RELN: variants seen among roughly 807,000 people sequenced by gnomAD.
RELN encodes the protein reelin.
Under a neutral mutation model 427.6 loss-of-function variants are expected in RELN, and 108 were observed. That is an observed-to-expected ratio of 0.25 (90% confidence interval 0.22 to 0.30). The LOEUF is 0.30. RELN is among the 10% of genes least tolerant of loss of function. RELN has a pLI of 1.00. For missense variants in RELN, 3,715 were observed against 4,302.8 expected (o/e 0.86, Z 3.82); for synonymous variants, 1,524 against 1,513.4 (o/e 1.01, Z -0.16).
chr7:103,495,514 T>C (rs1828814172), intron 57 of RELN, among the ~76,000 whole-genome samples: 1 of 152,178 alleles, frequency 6.6e-6, no homozygotes, highest in Non-Finnish European at 1.5e-5. Flanking sequence ...TTTCTTGCTA[T>C]GTCCCAACAT....
chr7:103,827,233 G>A (rs982725842), intron 3 of RELN, among the ~76,000 whole-genome samples: 5 of 151,772 alleles, frequency 3.3e-5, no homozygotes, highest in Admixed American at 2.0e-4. Flanking sequence ...CTTCTCTGAC[G>A]GTCTTATGAT....
chr7:103,908,974 A>G (rs1795279036), intron 2 of RELN, among the ~76,000 whole-genome samples: 1 of 152,192 alleles, frequency 6.6e-6, no homozygotes, highest in Non-Finnish European at 1.5e-5. Context: ...TTCCTCAAGT[A>G]TGCTTAAATT....
At chr7:103,944,042 G>A (rs1796170249) in intron 1 of RELN, among the ~76,000 whole-genome samples, 2 of 151,948 alleles carry the variant, frequency 1.3e-5, no homozygotes, top group South Asian at 4.2e-4. Flanking sequence ...TAGTAGGACT[G>A]GAGATCAAAC....
intron 5 of RELN, 50 bp from the exon 6 acceptor site, chr7:103,749,554 T>C (rs1180492871): frequency 1.5e-6 from 2 of 1,333,808 alleles, no homozygotes; most frequent in African/African-American, 1.4e-5. Flanking sequence ...CAACAGTACA[T>C]TTAGCTAAAC....
At chr7:103,803,009 G>A (rs932947867) in intron 3 of RELN, among the ~76,000 whole-genome samples, 30 of 152,110 alleles carry the variant, frequency 2.0e-4, no homozygotes, top group Non-Finnish European at 3.8e-4. Flanking sequence ...TATGTAGGAT[G>A]AACATTCCCA....
At chr7:103,902,566 C>T (rs1009010944) in intron 2 of RELN, among the ~76,000 whole-genome samples, 2 of 151,928 alleles carry the variant, frequency 1.3e-5, no homozygotes, top group Non-Finnish European at 2.9e-5. Flanking sequence ...GAATTTTTAC[C>T]AAAATATTAA....
chr7:103,539,384 G>T (rs1830126293), intron 44 of RELN, 57 bp from the exon 45 acceptor site: 1 of 1,563,550 alleles, frequency 6.4e-7, no homozygotes, highest in East Asian at 2.3e-5. Context: ...GAAATGGAAA[G>T]TTCTGCCTTT....
chr7:103,885,347 A>G (rs893176464), intron 2 of RELN, among the ~76,000 whole-genome samples: 1 of 151,916 alleles, frequency 6.6e-6, no homozygotes, highest in Admixed American at 6.6e-5. Flanking sequence ...TCAAAAAAAA[A>G]AAATTATAGA....
intron 3 of RELN, among the ~76,000 whole-genome samples, chr7:103,802,030 A>T (rs918423448): frequency 6.6e-6 from 1 of 152,202 alleles, no homozygotes; most frequent in African/African-American, 2.4e-5. Flanking sequence ...CACATAGTTA[A>T]GTGTCAGTAT....
At chr7:103,888,263 C>T (rs187333451) in intron 2 of RELN, among the ~76,000 whole-genome samples, 1 of 151,862 alleles carries the variant, frequency 6.6e-6, no homozygotes, top group East Asian at 1.9e-4. Context: ...ATATATATCA[C>T]CCGAGAACCT....
chr7:103,682,391 A>G, intron 10 of RELN, 130 bp from the exon 11 acceptor site: 1 of 929,338 alleles, frequency 1.1e-6, no homozygotes, highest in Non-Finnish European at 1.7e-6. Flanking sequence ...TCTCAAATCA[A>G]AAGAGCTTGT....
At chr7:103,503,910 A>AC (rs1829120851) in intron 51 of RELN, among the ~76,000 whole-genome samples, 1 of 151,506 alleles carries the variant, frequency 6.6e-6, no homozygotes, top group Non-Finnish European at 1.5e-5. Flanking sequence ...AAAAAAAAAA[A>AC]AAAAAAAACT....
Position 103,561,271 on chromosome 7 carries a change from A to G in RELN, c.5529+261T>C, listed in dbSNP as rs546876175. The stretch of plus-strand genomic sequence containing the variant: ...GAAATTTACATTCTAAAAACTATCT[A>G]CATATAAATTTATGTATATAATTCC... On this transcript the variant is annotated intron_variant, in intron 36 of 64. Coordinates refer to ENST00000428762, the MANE Select transcript of RELN (RefSeq NM_005045.4). Among the ~76,000 whole-genome samples the G allele has an allele frequency of 4.6e-5, 7 of 152,356 alleles. No homozygotes were observed. In the South Asian group the frequency reaches 1.4e-3, roughly 32 times the overall value.
At chr7:103,515,958 G>C (rs1226668194) in intron 49 of RELN, among the ~76,000 whole-genome samples, 1 of 152,108 alleles carries the variant, frequency 6.6e-6, no homozygotes, top group Non-Finnish European at 1.5e-5. Context: ...AGTTGTCTGT[G>C]GTGCAGACAC....
intron 7 of RELN, among the ~76,000 whole-genome samples, chr7:103,724,225 C>G (rs560357656): frequency 1.3e-5 from 2 of 151,918 alleles, no homozygotes; most frequent in South Asian, 4.2e-4. Context: ...CTCTGTTGCA[C>G]TTTGCTTCTT....
Position 103,565,503 on chromosome 7 carries a change from G to A in RELN, c.4985C>T (p.Thr1662Ile), listed in dbSNP as rs750833122. The A allele has an allele frequency of 4.3e-6, 7 of 1,613,636 alleles. No individual in the cohort carries two copies. The highest frequency in any genetic ancestry group is 5.9e-6 in the Non-Finnish European group (7 of 1,179,930). ...ETWDFHVSAS[T>I]FLQFEMSMGC... ...CATGCTCATTTCAAACTGCAAAAAGGTAGATGCTGACACATGAAAATCCCA... is the reference window on the plus strand; with the variant it reads ...CATGCTCATTTCAAACTGCAAAAAGATAGATGCTGACACATGAAAATCCCA... Residue 1662 changes from threonine (T) to isoleucine (I), a missense_variant, in exon 34 of 65, where the codon ACC (threonine) becomes ATC (isoleucine). By Grantham distance (89) the Thr-to-Ile change is moderately conservative. This residue lies in a region of RELN where 2,208 missense variants were observed against 2,361.7 expected (regional missense o/e 0.93). Transcript: ENST00000428762.
chr7:103,987,049 T>A (rs1294992783), intron 1 of RELN, among the ~76,000 whole-genome samples: 2 of 141,236 alleles, frequency 1.4e-5, no homozygotes. Context: ...TTTTTAAACA[T>A]GTATTCTACC....
chr7:103,883,648 CAGAG>C (rs1260676516), intron 2 of RELN, among the ~76,000 whole-genome samples: 8 of 152,152 alleles, frequency 5.3e-5, no homozygotes, highest in Non-Finnish European at 1.0e-4. Flanking sequence ...AAAAGACAAA[CAGAG>C]AGTCAAATCA....
At position 103,535,508 on chromosome 7, in the gene RELN, G is replaced by T. The variant is rs192500474; in HGVS notation, c.7181-24C>A. On this transcript the variant is annotated intron_variant, in intron 45 of 64. Transcript: ENST00000428762. Reference sequence around the variant, plus strand: ...CGCTGAAACAGGAAACATTATTTTGGATATAAACACATATCTGCAGACCCA... The same window carrying T: ...CGCTGAAACAGGAAACATTATTTTGTATATAAACACATATCTGCAGACCCA... 3 of 1,601,100 alleles carry T rather than the reference G, an allele frequency of 1.9e-6. No homozygotes were observed. The highest frequency in any genetic ancestry group is 2.6e-6 in the Non-Finnish European group (3 of 1,168,354).
Sources: allele counts gnomAD v4.1 joint callset (sites outside exome capture counted in the v4.1 genomes callset), GRCh38; gene constraint gnomAD v4.1.1; regional missense constraint gnomAD v4.1.1; transcripts MANE v1.5; gene names NCBI Gene and HGNC (gene_info 2026-07-23, HGNC 2026-07-21).